PDK4: variants seen among roughly 807,000 people sequenced by gnomAD.
The protein encoded by PDK4 is pyruvate dehydrogenase kinase 4.
A neutral mutation model predicts 51.7 loss-of-function variants in PDK4; 43 were observed. That is an observed-to-expected ratio of 0.83 (90% CI 0.65 to 1.07). PDK4 has a LOEUF of 1.07. PDK4 is among the 50% of genes least tolerant of loss of function. PDK4 has a pLI of 0.00. For synonymous variants in PDK4, 170 were observed against 176.6 expected (o/e 0.96, Z 0.30); for missense variants, 498 against 503.5 (o/e 0.99, Z 0.10).
chr7:95,592,388 A>G, intron 5 of PDK4, 123 bp downstream of exon 5: 2 of 691,386 alleles, frequency 2.9e-6, no homozygotes, highest in Non-Finnish European at 2.6e-6. Flanking sequence ...TGAAGATAAC[A>G]TTTATAAAAT....
Position 95,589,675 on chromosome 7 carries a change from A to T in PDK4, c.736T>A (p.Ser246Thr). 6.3e-7 allele frequency: 1 copy of T among 1,588,860 alleles called. No homozygotes were observed. Among genetic ancestry groups the T allele is most frequent in the Non-Finnish European group, 8.6e-7 (1 of 1,157,610 alleles). Residue 246 changes from serine (S) to threonine (T), a missense_variant, in exon 7 of 11, where the codon TCT (serine) becomes ACT (threonine). By Grantham distance (58) the Ser-to-Thr change is moderately conservative (BLOSUM62 1). Coordinates refer to ENST00000005178, the MANE Select transcript of PDK4 (RefSeq NM_002612.4). Reference sequence around the variant, plus strand: ...TCAAAGAGCATATGATGGAGGTGAGAAGGAACATACACGATGTGAATTGGT... The same window carrying T: ...TCAAAGAGCATATGATGGAGGTGAGTAGGAACATACACGATGTGAATTGGT... ...DQPIHIVYVP[S>T]HLHHMLFELF...
Position 95,596,277 on chromosome 7 carries a change from A to G in PDK4, c.17T>C (p.Phe6Ser), listed in dbSNP as rs762578203. 6 of 1,579,010 alleles carry G rather than the reference A, an allele frequency of 3.8e-6. No homozygotes were observed. The highest frequency in any genetic ancestry group is 3.4e-6 in the Non-Finnish European group (4 of 1,163,566). Reference protein sequence around the residue: MKAARFVLRSAGSLNG... With the variant: MKAARSVLRSAGSLNG... The stretch of plus-strand genomic sequence containing the variant: ...GAGCGAGCCAGCGCTGCGCAGCACG[A>G]AGCGGGCCGCCTTCATCTTGACGCC... The change falls in exon 1 of 11, where the codon TTC becomes TCC. Residue 6 changes from phenylalanine to serine, a missense_variant. By Grantham distance (155) the Phe-to-Ser change is radical. Coordinates refer to ENST00000005178, the MANE Select transcript of PDK4 (RefSeq NM_002612.4).
chr7:95,593,324 A>T (rs1791575117), intron 3 of PDK4, among the ~76,000 whole-genome samples: 1 of 152,136 alleles, frequency 6.6e-6, no homozygotes, highest in African/African-American at 2.4e-5. Context: ...TTTAGAAAAG[A>T]TCCTTATTTA....
At chr7:95,589,557 T>C in intron 7 of PDK4, 83 bp downstream of exon 7, 1 of 712,054 alleles carries the variant, frequency 1.4e-6, no homozygotes. Flanking sequence ...GCTTCTGTTT[T>C]GTGGCGAATA....
In PDK4 at chr7:95,584,808, CA is replaced by C. The variant is rs1791458639; in HGVS notation, c.*832del. On this transcript the variant is annotated 3_prime_UTR_variant, in exon 11 of 11. Coordinates refer to ENST00000005178, the MANE Select transcript of PDK4 (RefSeq NM_002612.4). ...TCTACTAATTTATTTATAAACAAAG[CA>C]AAGTAAGAGATATTTTTGCTGTTAC... The C allele has an allele frequency of 6.6e-6, 1 of 152,532 alleles. No individual in the cohort carries two copies. The highest frequency in any genetic ancestry group is 2.4e-5 in the African/African-American group (1 of 41,414). 9.4% of individuals were successfully genotyped at this position (152,532 alleles called of 1,614,324 possible). A position where few individuals can be genotyped will look rare whatever the true frequency, so the allele number is the denominator to read the frequency against.
intron 9 of PDK4, 137 bp downstream of exon 9, chr7:95,587,281 G>T (rs773884004): frequency 1.4e-6 from 1 of 721,982 alleles, no homozygotes; most frequent in Non-Finnish European, 2.4e-6. Flanking sequence ...TTTTTAGCTT[G>T]CTTTATCATT....
At chr7:95,593,062 A>G (rs1791572831) in intron 3 of PDK4, 118 bp from the exon 4 acceptor site, 7 of 552,024 alleles carry the variant, frequency 1.3e-5, no homozygotes, top group Non-Finnish European at 1.9e-5. Context: ...AACAAATCAA[A>G]TGATAAAACA....
chr7:95,592,033 G>A lies in PDK4; in HGVS notation c.649C>T (p.Gln217Ter), dbSNP rs181545860. The A allele has an allele frequency of 6.3e-7, 1 of 1,583,922 alleles. No homozygotes were observed. Among genetic ancestry groups the A allele is most frequent in the Non-Finnish European group, 8.6e-7 (1 of 1,163,900 alleles). ...AATTCTGGAGATGATAAATAATACTGATCACAGAGCATCCTTGAACACTCA... is the reference window on the plus strand; with the variant it reads ...AATTCTGGAGATGATAAATAATACTAATCACAGAGCATCCTTGAACACTCA... Reference protein sequence around the residue: ...AFECSRMLCDQYYLSSPELKL... With the variant: ...AFECSRMLCD Residue 217 changes from glutamine to a stop codon, truncating the protein, a stop_gained, in exon 6 of 11, where the codon CAG (glutamine) becomes TAG (stop). Transcript: ENST00000005178. LOFTEE classifies it high-confidence loss of function.
At chr7:95,593,008 GT>G in intron 3 of PDK4, 64 bp from the exon 4 acceptor site, 1 of 1,131,638 alleles carries the variant, frequency 8.8e-7, no homozygotes, top group Non-Finnish European at 1.2e-6. Context: ...TACTCCTAAG[GT>G]TACTTCACAG....
chr7:95,586,922 G>A, intron 10 of PDK4, 88 bp downstream of exon 10: 1 of 701,142 alleles, frequency 1.4e-6, no homozygotes, highest in Non-Finnish European at 2.5e-6. Flanking sequence ...ACTCAGTTTG[G>A]GGAATTCACT....
At chr7:95,590,552 C>T (rs1456801574) in intron 6 of PDK4, among the ~76,000 whole-genome samples, 1 of 152,196 alleles carries the variant, frequency 6.6e-6, no homozygotes, top group African/African-American at 2.4e-5. Context: ...TTTATTTTGT[C>T]CAACAGTTGG....
At chr7:95,592,095 G>A (rs1359205095) in intron 5 of PDK4, 30 bp from the exon 6 acceptor site, 1 of 1,320,034 alleles carries the variant, frequency 7.6e-7, no homozygotes, top group African/African-American at 1.5e-5. Context: ...TTATAACAAT[G>A]AAATGAGTTT....
rs778374782 is a variant in PDK4 at position 95,595,515 on chromosome 7, T to G, written c.131-351A>C. On this transcript the variant is annotated intron_variant, in intron 1 of 10. Transcript: ENST00000005178. The stretch of plus-strand genomic sequence containing the variant: ...CCACAATGTCAACAACACAACATCC[T>G]TTAATGAGTGGGGACATGGAATTGG... Among the ~76,000 whole-genome samples the G allele has an allele frequency of 1.2e-4, 18 of 152,174 alleles. 1 individual carries two copies. Among genetic ancestry groups the G allele is most frequent in the Non-Finnish European group, 2.4e-4 (16 of 68,036 alleles).
chr7:95,587,663 T>G (rs950553079), intron 8 of PDK4, 64 bp downstream of exon 8: 13 of 1,256,954 alleles, frequency 1.0e-5, no homozygotes, highest in Non-Finnish European at 1.5e-5. Context: ...CAGACAGCTT[T>G]ATTACTATTG....
At chr7:95,592,965 T>G in intron 3 of PDK4, 21 bp from the exon 4 acceptor site, 1 of 1,513,102 alleles carries the variant, frequency 6.6e-7, no homozygotes, top group Non-Finnish European at 9.0e-7. Flanking sequence ...ATATTTATGG[T>G]TAGTAAAAGT....
intron 7 of PDK4, 148 bp downstream of exon 7, chr7:95,589,492 G>A (rs985876105): frequency 4.6e-5 from 23 of 497,970 alleles, no homozygotes; most frequent in Non-Finnish European, 8.0e-5. Flanking sequence ...AACATTGACT[G>A]TATAGTTTCT....
chr7:95,590,877 C>T (rs1791544467), intron 6 of PDK4, among the ~76,000 whole-genome samples: 1 of 152,174 alleles, frequency 6.6e-6, no homozygotes, highest in African/African-American at 2.4e-5. Context: ...TTTCGTTCAT[C>T]ATGTAGTCAC....
In PDK4 at chr7:95,585,794, G is replaced by GC. The variant is rs1313259452; in HGVS notation, c.1096-14_1096-13insG. On this transcript the variant is annotated splice_polypyrimidine_tract_variant and intron_variant, in intron 10 of 10. Transcript: ENST00000005178. ...CAGAAGACAAAGCCTAAAAGAAAAG[G>GC]GGGGAAAAACATGAGACCAAAGAAA... 1.3e-6 allele frequency: 2 copies of GC among 1,573,708 alleles called. No homozygotes were observed. The highest frequency in any genetic ancestry group is 2.7e-5 in the African/African-American group (2 of 73,978).
chr7:95,590,506 C>T (rs1211529563), intron 6 of PDK4, among the ~76,000 whole-genome samples: 2 of 152,082 alleles, frequency 1.3e-5, no homozygotes. Context: ...TGGCAAAGTT[C>T]GAATCAGAAA....
Sources: allele counts gnomAD v4.1 joint callset (sites outside exome capture counted in the v4.1 genomes callset), GRCh38; gene constraint gnomAD v4.1.1; transcripts MANE v1.5; gene names NCBI Gene and HGNC (gene_info 2026-07-23, HGNC 2026-07-21).